XRCC6: variants seen among roughly 807,000 people sequenced by gnomAD.
XRCC6 encodes the protein DNA repair protein Ku70.
XRCC6 carries 5 observed loss-of-function variants against 65.7 expected under a neutral mutation model. The ratio of observed to expected loss-of-function variants is 0.08; its 90% confidence interval spans 0.04 to 0.16. The LOEUF is 0.16. Ranked by LOEUF, XRCC6 falls within the 10% of genes least tolerant of loss-of-function variation. XRCC6 has a pLI of 1.00. For synonymous variants in XRCC6, 270 were observed against 270.6 expected (o/e 1.00, Z 0.02); for missense variants, 447 against 738.1 (o/e 0.61, Z 4.57).
chr22:41,649,847 A>AT (rs1018443884), intron 7 of XRCC6, among the ~76,000 whole-genome samples: 3 of 92,884 alleles, frequency 3.2e-5, no homozygotes, highest in African/African-American at 8.8e-5. Context: ...TCAAAAAAAA[A>AT]AATAATAATA....
intron 3 of XRCC6, among the ~76,000 whole-genome samples, chr22:41,632,995 C>A (rs993846101): frequency 2.0e-5 from 3 of 151,578 alleles, no homozygotes; most frequent in Non-Finnish European, 2.9e-5. Flanking sequence ...GGTGTGGTGG[C>A]GTGCGCCTGT....
Position 41,661,426 on chromosome 22 carries a change from G to C in XRCC6, c.1618G>C (p.Val540Leu), listed in dbSNP as rs1163289632. The C allele has an allele frequency of 6.2e-7, 1 of 1,613,944 alleles. No individual in the cohort carries two copies. The change falls in exon 12 of 13, where the codon GTT becomes CTT. Residue 540 changes from valine (V) to leucine (L), a missense_variant. Physicochemically the swap from Val to Leu is conservative, Grantham distance 32 (BLOSUM62 1). This residue lies in a region of XRCC6 where 201 missense variants were observed against 374.1 expected (regional missense o/e 0.54). Coordinates refer to ENST00000360079, the MANE Select transcript of XRCC6 (RefSeq NM_001469.5). Reference sequence around the variant, plus strand: ...ACCAGATTACAATCCTGAAGGGAAAGTTACCAAGAGAAAACACGGTGAGAA... The same window carrying C: ...ACCAGATTACAATCCTGAAGGGAAACTTACCAAGAGAAAACACGGTGAGAA... ...YPPDYNPEGK[V>L]TKRKHDNEGS...
chr22:41,628,718 C>T (rs2067705827), intron 3 of XRCC6, among the ~76,000 whole-genome samples: 1 of 152,070 alleles, frequency 6.6e-6, no homozygotes. Flanking sequence ...TGTCTATAAT[C>T]CCAGCACTTT....
chr22:41,628,178 T>C lies in XRCC6; in HGVS notation c.143T>C (p.Met48Thr). The C allele has an allele frequency of 1.2e-6, 2 of 1,614,036 alleles. No individual in the cohort carries two copies. Among genetic ancestry groups the C allele is most frequent in the Non-Finnish European group, 1.7e-6 (2 of 1,179,950 alleles). ...LIFLVDASKA[M>T]FESQSEDELT... ...TTTTTGGTTGATGCCTCCAAGGCTA[T>C]GTTTGAATCTCAGAGTGAAGATGAG... The change falls in exon 3 of 13, where the codon ATG becomes ACG. Residue 48 changes from methionine to threonine, a missense_variant. Around this residue, in one of 4 missense-constraint regions of XRCC6, gnomAD observed 228 missense variants for 307.4 expected, o/e 0.74. Transcript: ENST00000360079.
chr22:41,624,777 C>T (rs1342564216), intron 2 of XRCC6, among the ~76,000 whole-genome samples: 2 of 151,486 alleles, frequency 1.3e-5, no homozygotes, highest in Non-Finnish European at 2.9e-5. Flanking sequence ...GCGGGTGGCT[C>T]ACGAGGTCAG....
intron 6 of XRCC6, among the ~76,000 whole-genome samples, chr22:41,642,083 CA>C (rs1402815765): frequency 2.6e-5 from 4 of 152,176 alleles, no homozygotes; most frequent in Non-Finnish European, 5.9e-5. Flanking sequence ...CATTGTACTA[CA>C]CTTTCTTTAT....
In XRCC6 at chr22:41,656,641, G is replaced by T. The variant is rs534594325; in HGVS notation, c.1292-262G>T. Among the ~76,000 whole-genome samples, 3 of 152,334 alleles carry T rather than the reference G, an allele frequency of 2.0e-5. No homozygotes were observed. The South Asian group carries it at 6.2e-4, about 32-fold the overall frequency. ...TCCGAGGTTTCAGGTATCCTCCCGG[G>T]TTCTTCAAACATATTCCCCAGGGAT... is the stretch of plus-strand genomic sequence containing the variant. On this transcript the variant is annotated intron_variant, in intron 9 of 12. Coordinates refer to ENST00000360079, the MANE Select transcript of XRCC6 (RefSeq NM_001469.5).
chr22:41,634,629 C>T (rs1321671692), intron 3 of XRCC6, among the ~76,000 whole-genome samples: 1 of 151,814 alleles, frequency 6.6e-6, no homozygotes, highest in Non-Finnish European at 1.5e-5. Context: ...ACTGCAACCT[C>T]CACCTCTTGG....
At chr22:41,631,331 T>C (rs140991803) in intron 3 of XRCC6, among the ~76,000 whole-genome samples, 20,664 of 145,690 alleles carry the variant, frequency 0.14, 3,918 homozygotes, top group African/African-American at 0.44. Flanking sequence ...ACTTCCCAGA[T>C]GGGGTGGCTG....
At chr22:41,663,509 A>T (rs1158951231) in intron 12 of XRCC6, 113 bp from the exon 13 acceptor site, 7 of 1,246,952 alleles carry the variant, frequency 5.6e-6, no homozygotes, top group Non-Finnish European at 7.9e-6. Context: ...GGCTGGCATC[A>T]CAGCTTTATG....
intron 9 of XRCC6, 61 bp from the exon 10 acceptor site, chr22:41,656,842 G>A: frequency 6.2e-7 from 1 of 1,606,994 alleles, no homozygotes; most frequent in South Asian, 1.1e-5. Context: ...ATTTGGAGCT[G>A]AGAAACAAGT....
intron 6 of XRCC6, among the ~76,000 whole-genome samples, chr22:41,642,657 T>G (rs1340043190): frequency 1.3e-5 from 2 of 152,200 alleles, no homozygotes; most frequent in Non-Finnish European, 2.9e-5. Flanking sequence ...GTAGATTGCT[T>G]TGGGTAGTCT....
intron 5 of XRCC6, among the ~76,000 whole-genome samples, chr22:41,637,391 C>T (rs1326646405): frequency 6.6e-6 from 1 of 152,080 alleles, no homozygotes; most frequent in Non-Finnish European, 1.5e-5. Flanking sequence ...GGCCAGTTGT[C>T]TTGACTTTAA....
intron 9 of XRCC6, among the ~76,000 whole-genome samples, chr22:41,656,477 C>G (rs1183357341): frequency 6.6e-6 from 1 of 151,074 alleles, no homozygotes; most frequent in East Asian, 1.9e-4. Context: ...AGATTGCCCA[C>G]TGTACTCCAG....
chr22:41,626,358 G>A (rs752850425), intron 2 of XRCC6, among the ~76,000 whole-genome samples: 1 of 152,016 alleles, frequency 6.6e-6, no homozygotes, highest in Non-Finnish European at 1.5e-5. Context: ...GTCCAGGATG[G>A]TCTCAATCTC....
Position 41,628,102 on chromosome 22 carries a change from A to G in XRCC6, c.83-16A>G. The G allele has an allele frequency of 3.2e-6, 5 of 1,562,834 alleles. No homozygotes were observed. Among genetic ancestry groups the G allele is most frequent in the Non-Finnish European group, 4.4e-6 (5 of 1,146,110 alleles). On this transcript the variant is annotated splice_polypyrimidine_tract_variant and intron_variant, in intron 2 of 12. Coordinates refer to ENST00000360079, the MANE Select transcript of XRCC6 (RefSeq NM_001469.5). Reference sequence around the variant, plus strand: ...AAAACAAGGACAAACATTTTCTTCCATTTTTTTCCCCATAGGAGACTATAA... The same window carrying G: ...AAAACAAGGACAAACATTTTCTTCCGTTTTTTTCCCCATAGGAGACTATAA...
intron 3 of XRCC6, among the ~76,000 whole-genome samples, chr22:41,632,741 T>C (rs565903714): frequency 2.5e-3 from 375 of 151,416 alleles, no homozygotes; most frequent in African/African-American, 8.6e-3. Flanking sequence ...GAGGATTGCT[T>C]GAGCCCAGGA....
intron 7 of XRCC6, among the ~76,000 whole-genome samples, chr22:41,647,580 T>TC (rs1305387880): frequency 2.0e-3 from 87 of 44,098 alleles, no homozygotes; most frequent in African/African-American, 6.7e-3. Context: ...TAACTCCGTC[T>TC]CAAAAAAAAA....
At chr22:41,627,416 A>G (rs1198287541) in intron 2 of XRCC6, among the ~76,000 whole-genome samples, 2 of 151,860 alleles carry the variant, frequency 1.3e-5, no homozygotes, top group Non-Finnish European at 2.9e-5. Context: ...TTCAAGACCA[A>G]CCTGGGCCAA....
Sources: allele counts gnomAD v4.1 joint callset (sites outside exome capture counted in the v4.1 genomes callset), GRCh38; gene constraint gnomAD v4.1.1; regional missense constraint gnomAD v4.1.1; transcripts MANE v1.5; gene names NCBI Gene and HGNC (gene_info 2026-07-23, HGNC 2026-07-21).